Variants in FNBP1 observed in about 807,000 individuals in gnomAD.
FNBP1 encodes formin-binding protein 1.
Under a neutral mutation model 90.6 loss-of-function variants are expected in FNBP1, and 26 were observed. The ratio of observed to expected loss-of-function variants is 0.29; its 90% CI spans 0.21 to 0.40. FNBP1 has a LOEUF of 0.40. Ranked by LOEUF, FNBP1 falls within the 10% of genes least tolerant of loss-of-function variation. FNBP1 has a pLI of 1.00. For missense variants in FNBP1, 635 were observed against 768.0 expected, an observed-to-expected ratio of 0.83 and a Z score of 2.05; for synonymous variants, 260 against 265.2, an observed-to-expected ratio of 0.98 and a Z score of 0.19.
intron 1 of FNBP1, among the ~76,000 whole-genome samples, chr9:130,030,435 CA>C (rs66826963): frequency 0.93 from 119,653 of 128,468 alleles, 55,594 homozygotes; most frequent in East Asian, 0.98. Flanking sequence ...ACTCCGTCTC[CA>C]AAAAAAAAAA....
chr9:129,965,513 C>G (rs1325285186), intron 4 of FNBP1, among the ~76,000 whole-genome samples: 1 of 152,086 alleles, frequency 6.6e-6, no homozygotes, highest in East Asian at 1.9e-4. Context: ...GCTCCACATG[C>G]AGCAATGATC....
chr9:129,975,111 C>A (rs1168716405), intron 4 of FNBP1, among the ~76,000 whole-genome samples: 1 of 152,044 alleles, frequency 6.6e-6, no homozygotes, highest in African/African-American at 2.4e-5. Context: ...CCCAGATACT[C>A]AGGAGGCTGA....
chr9:129,898,647 G>A (rs758040169), intron 15 of FNBP1, among the ~76,000 whole-genome samples: 2 of 152,030 alleles, frequency 1.3e-5, no homozygotes, highest in Admixed American at 6.6e-5. Context: ...GCGCTACCAC[G>A]CTTAGCTGAT....
chr9:129,957,471 T>C lies in FNBP1; in HGVS notation c.409-7A>G. The C allele has an allele frequency of 6.2e-7, 1 of 1,600,004 alleles. No homozygotes were observed. Among genetic ancestry groups the C allele is most frequent in the Non-Finnish European group, 8.6e-7 (1 of 1,167,642 alleles). On this transcript the variant is annotated splice_polypyrimidine_tract_variant and splice_region_variant and intron_variant, in intron 5 of 16. Coordinates refer to ENST00000446176, the MANE Select transcript of FNBP1 (RefSeq NM_015033.3). The surrounding 1 kb of genome is among the most constrained non-coding windows in gnomAD (Gnocchi z 4.3). ...GTTCAAATCGCCTTTTACTCTAAAA[T>C]CAGAGGAAAATAATTATGAAACCAT...
chr9:129,999,960 G>C (rs1008380957), intron 1 of FNBP1, among the ~76,000 whole-genome samples: 2 of 152,114 alleles, frequency 1.3e-5, no homozygotes, highest in African/African-American at 4.8e-5. Context: ...CAGATACGTA[G>C]CTAGAAAACA....
intron 6 of FNBP1, among the ~76,000 whole-genome samples, chr9:129,949,637 G>T (rs2045865456): frequency 6.6e-6 from 1 of 151,728 alleles, no homozygotes; most frequent in African/African-American, 2.4e-5. Context: ...GAGGTGTGAG[G>T]ATAGCTTGAG....
At chr9:129,949,004 A>G (rs899517443) in intron 6 of FNBP1, among the ~76,000 whole-genome samples, 2 of 152,072 alleles carry the variant, frequency 1.3e-5, no homozygotes, top group Non-Finnish European at 2.9e-5. Flanking sequence ...GTTCCTTTGC[A>G]GTTTCCCTCT....
chr9:129,968,534 C>T (rs1055342862), intron 4 of FNBP1, among the ~76,000 whole-genome samples: 1 of 151,862 alleles, frequency 6.6e-6, no homozygotes, highest in Non-Finnish European at 1.5e-5. Context: ...ATTTTGTTTT[C>T]CTAAATGTAT....
At chr9:130,045,186 T>C (rs1309643638), upstream of FNBP1, 3 of 152,160 alleles carry the variant, frequency 2.0e-5, no homozygotes, top group East Asian at 5.8e-4. Flanking sequence ...GAATTCTCTT[T>C]CCTCCAGAGA....
intron 6 of FNBP1, among the ~76,000 whole-genome samples, chr9:129,930,621 T>A (rs2042595775): frequency 6.6e-6 from 1 of 152,192 alleles, no homozygotes; most frequent in Non-Finnish European, 1.5e-5. Context: ...ATTCATATTC[T>A]GATTGATCAC....
intron 10 of FNBP1, among the ~76,000 whole-genome samples, chr9:129,920,542 C>T (rs1019756998): frequency 1.3e-5 from 2 of 152,154 alleles, no homozygotes; most frequent in African/African-American, 4.8e-5. Flanking sequence ...CCTCGTGATC[C>T]ACCCACCTCA....
intron 1 of FNBP1, among the ~76,000 whole-genome samples, chr9:130,008,038 TA>T (rs55687618): frequency 0.29 from 38,664 of 134,744 alleles, 5,710 homozygotes; most frequent in Non-Finnish European, 0.36. Flanking sequence ...TTTTTTTCAT[TA>T]AAAAAAAAAA....
chr9:130,032,805 T>C (rs1235683983), intron 1 of FNBP1, among the ~76,000 whole-genome samples: 1 of 152,064 alleles, frequency 6.6e-6, no homozygotes, highest in Non-Finnish European at 1.5e-5. Flanking sequence ...AAAACTTAAA[T>C]CTTAAGAAGG....
chr9:129,889,841 CAG>C lies in FNBP1; in HGVS notation c.*696_*697del, dbSNP rs149678862. 1,335 of 233,288 alleles carry C rather than the reference CAG, an allele frequency of 5.7e-3. 17 individuals carry two copies. Among genetic ancestry groups the C allele is most frequent in the African/African-American group, 0.028 (1,250 of 45,434 alleles). 14.5% of individuals were successfully genotyped at this position (233,288 alleles called of 1,614,324 possible). A position where few individuals can be genotyped will look rare whatever the true frequency, so the allele number is the denominator to read the frequency against. On this transcript the variant is annotated 3_prime_UTR_variant, in exon 17 of 17. Transcript: ENST00000446176. ...GTGGACCTCCCCAGGCCACTGAAAA[CAG>C]GGCGTCAAACCAAAATGTGTGTATG...
chr9:129,890,649 G>T lies in FNBP1; in HGVS notation c.1847-103C>A. ...TTGGCTACAAACTGCACCGCCCTGG[G>T]AGGGGAGGGTAGTGGGAGGGGAGGG... On this transcript the variant is annotated intron_variant, in intron 16 of 16. Coordinates refer to ENST00000446176, the MANE Select transcript of FNBP1 (RefSeq NM_015033.3). The surrounding 1 kb of genome is among the most constrained non-coding windows in gnomAD (Gnocchi z 5.8). 1 of 781,270 alleles carries T rather than the reference G, an allele frequency of 1.3e-6. No individual in the cohort carries two copies. Among genetic ancestry groups the T allele is most frequent in the Non-Finnish European group, 2.2e-6 (1 of 457,540 alleles). The allele number at this position is 781,270 out of a possible 1,614,324, so 48.4% of individuals were successfully genotyped here.
chr9:129,951,785 C>A (rs971934666), intron 6 of FNBP1, among the ~76,000 whole-genome samples: 1 of 152,000 alleles, frequency 6.6e-6, no homozygotes, highest in Non-Finnish European at 1.5e-5. Context: ...TTAGTATAAC[C>A]CAGAAGTCTT....
At chr9:130,005,837 G>T (rs1477708226) in intron 1 of FNBP1, among the ~76,000 whole-genome samples, 1 of 152,110 alleles carries the variant, frequency 6.6e-6, no homozygotes, top group East Asian at 1.9e-4. Context: ...AGGAATAGAA[G>T]GTTTATTTCA....
At position 129,929,567 on chromosome 9, in the gene FNBP1, C is replaced by T; in HGVS notation, c.642G>A (p.Gln214=). The change falls in exon 7 of 17, where the codon CAG becomes CAA. Residue 214 remains glutamine (Q), a splice_region_variant and synonymous_variant. Coordinates refer to ENST00000446176, the MANE Select transcript of FNBP1 (RefSeq NM_015033.3). ...AATCTGAGAGATGTTCAGGACTTAC[C>T]TGGAAGATGTTGGGGATGTGAGTAT... ...YYHTHIPNIF[Q]KIQEMEERRI... 1.2e-6 allele frequency: 2 copies of T among 1,613,504 alleles called. No homozygotes were observed. The highest frequency in any genetic ancestry group is 8.5e-7 in the Non-Finnish European group (1 of 1,179,672).
chr9:129,916,038 GA>G (rs749718163), intron 10 of FNBP1, 58 bp from the exon 11 acceptor site: 70 of 1,093,934 alleles, frequency 6.4e-5, no homozygotes, highest in South Asian at 2.3e-4. Context: ...GAGAGAAAGA[GA>G]AAAAAAAACA....
Sources: allele counts gnomAD v4.1 joint callset (sites outside exome capture counted in the v4.1 genomes callset), GRCh38; gene constraint gnomAD v4.1.1; non-coding constraint Gnocchi (gnomAD v3.1); transcripts MANE v1.5; gene names NCBI Gene and HGNC (gene_info 2026-07-23, HGNC 2026-07-21).